GTPBP6: variants seen among roughly 807,000 people sequenced by gnomAD.
GTPBP6 encodes the protein putative GTP-binding protein 6.
Under a neutral mutation model 28.9 loss-of-function variants are expected in GTPBP6, and 33 were observed. The observed-to-expected ratio is 1.14, with a 90% CI of 0.87 to 1.53. GTPBP6 has a LOEUF of 1.53. GTPBP6 is among the 40% of genes most tolerant of loss of function. The pLI is 0.00. For missense variants in GTPBP6, 507 were observed against 408.3 expected, an observed-to-expected ratio of 1.24 and a Z score of -2.08; for synonymous variants, 231 against 192.7, an observed-to-expected ratio of 1.20 and a Z score of -1.65.
At chrX:312,725 AC>A in intron 6 of GTPBP6, 40 bp downstream of exon 6, 1 of 1,358,324 alleles carries the variant, frequency 7.4e-7, no homozygotes, top group Non-Finnish European at 9.8e-7. Flanking sequence ...CACCGGTGAC[AC>A]GGAGACCGCG....
intron 2 of GTPBP6, among the ~76,000 whole-genome samples, 162 bp from the exon 3 acceptor site, chrX:315,461 AG>A (rs2070412332): frequency 6.6e-6 from 1 of 152,142 alleles, no homozygotes; most frequent in East Asian, 1.9e-4. Flanking sequence ...TCAGCGTGGG[AG>A]GGGGTGTGTC....
At chrX:311,501 A>G (rs2070297338) in exon 7 of GTPBP6, 8 of 1,612,170 alleles carry the variant, frequency 5.0e-6, no homozygotes, top group Non-Finnish European at 6.8e-6. Flanking sequence ...GATGGTGTCC[A>G]CGTACAGGAC....
exon 10 of GTPBP6, chrX:305,001 C>T (rs1164067076): frequency 1.9e-6 from 3 of 1,579,146 alleles, no homozygotes; most frequent in South Asian, 2.3e-5. Context: ...CCAAGCTGCC[C>T]CCAACACAGC....
At chrX:312,406 G>C (rs1434245471) in intron 6 of GTPBP6, 3 of 514,316 alleles carry the variant, frequency 5.8e-6, no homozygotes, top group Non-Finnish European at 1.1e-5. Flanking sequence ...GTGTAGACAG[G>C]GTGGTGGTAT....
intron 7 of GTPBP6, among the ~76,000 whole-genome samples, chrX:310,649 C>CGTGT (rs1441967275): frequency 6.7e-6 from 1 of 149,912 alleles, no homozygotes; most frequent in South Asian, 2.1e-4. Flanking sequence ...GAGAAGGCCA[C>CGTGT]AGACAGAGGC....
rs374182939 is a variant in GTPBP6 at position 310,892 on chromosome X, C to T, written c.1125+527G>A. ...GTGTTCATCGATCCTCAGGCATCAC[C>T]GTGCTGTGTCCGCCACTGCCCGCAC... On this transcript the variant is annotated intron_variant, in intron 7 of 9. Transcript: ENST00000326153. 1.4e-3 allele frequency among the ~76,000 whole-genome samples: 217 copies of T among 151,874 alleles called. 1 individual carries two copies. The highest frequency in any genetic ancestry group is 4.9e-3 in the African/African-American group (205 of 41,442).
chrX:315,183 C>T (rs1375420242), intron 3 of GTPBP6, 46 bp downstream of exon 3: 11 of 398,308 alleles, frequency 2.8e-5, no homozygotes, highest in East Asian at 3.6e-5. Flanking sequence ...CCTCCTTCAT[C>T]GCGTGGAGTG....
At chrX:307,314 G>C (rs371070908) in intron 9 of GTPBP6, 46 bp downstream of exon 9, 5 of 1,586,580 alleles carry the variant, frequency 3.2e-6, no homozygotes, top group Non-Finnish European at 4.3e-6. Flanking sequence ...GCCAGAGACA[G>C]GCATCCAAAG....
chrX:309,253 C>T lies in GTPBP6; in HGVS notation c.1126-1373G>A, dbSNP rs1211269053. Among the ~76,000 whole-genome samples the T allele has an allele frequency of 3.3e-5, 5 of 152,290 alleles. No individual in the cohort carries two copies. In the East Asian group the frequency reaches 7.7e-4, roughly 24 times the overall value. On this transcript the variant is annotated intron_variant, in intron 7 of 9. Transcript: ENST00000326153. Reference sequence around the variant, plus strand: ...GCTCTTCATGCACTTGGAAAGTCTACGGTACGGATGGAGTGTGCAGCTCAC... The same window carrying T: ...GCTCTTCATGCACTTGGAAAGTCTATGGTACGGATGGAGTGTGCAGCTCAC...
At position 311,672 on chromosome X, in the gene GTPBP6, C is replaced by G. The variant is rs775981280; in HGVS notation, c.917-45G>C. ...AGGGCGCTGCAGAGATCCCTGCGTC[C>G]CAACTCCTAGCGCCGCAGCCAGGCC... On this transcript the variant is annotated intron_variant, in intron 6 of 9. Coordinates refer to ENST00000326153, the Ensembl canonical transcript of GTPBP6. The G allele has an allele frequency of 2.0e-5, 30 of 1,475,842 alleles. No individual in the cohort carries two copies. The South Asian group carries it at 2.0e-4, about 10-fold the overall frequency. 91.4% of individuals were successfully genotyped at this position (1,475,842 alleles called of 1,614,324 possible). A position where few individuals can be genotyped will look rare whatever the true frequency, so the allele number is the denominator to read the frequency against.
At chrX:306,217 CA>C (rs1315799916) in intron 9 of GTPBP6, among the ~76,000 whole-genome samples, 2 of 150,480 alleles carry the variant, frequency 1.3e-5, no homozygotes, top group African/African-American at 5.0e-5. Context: ...TTTTGACTGT[CA>C]AGCGCAGATT....
chrX:316,277 A>AGC (rs1343164269), intron 2 of GTPBP6, among the ~76,000 whole-genome samples: 1 of 19,142 alleles, frequency 5.2e-5, no homozygotes, highest in Non-Finnish European at 1.5e-4. Context: ...ACACACACAC[A>AGC]GTAAATACAT....
exon 5 of GTPBP6, chrX:314,207 T>G: frequency 1.2e-6 from 2 of 1,613,474 alleles, no homozygotes; most frequent in African/African-American, 1.3e-5. Flanking sequence ...ACGTCCCTTT[T>G]CAAGTTCGAC....
intron 2 of GTPBP6, among the ~76,000 whole-genome samples, chrX:316,458 C>T (rs1403403498): frequency 3.9e-5 from 6 of 152,138 alleles, no homozygotes; most frequent in Non-Finnish European, 7.3e-5. Flanking sequence ...AGCCGACCCC[C>T]ACCTGGGCAA....
Position 311,945 on chromosome X carries a change from G to C in GTPBP6, c.917-318C>G, listed in dbSNP as rs1270531457. On this transcript the variant is annotated intron_variant, in intron 6 of 9. Coordinates refer to ENST00000326153, the Ensembl canonical transcript of GTPBP6. ...TGGCAATGGCGTAGATGGTGGGATG[G>C]TGTAGGTGGGGTGGTGGTGCTGGTG... 1.4e-5 allele frequency: 8 copies of C among 575,372 alleles called. No individual in the cohort carries two copies. In the South Asian group the frequency reaches 1.5e-4, roughly 11 times the overall value. The allele number at this position is 575,372 out of a possible 1,614,324, so 35.6% of individuals were successfully genotyped here.
At chrX:304,950 G>A (rs372885847) in exon 10 of GTPBP6, 17 of 1,482,792 alleles carry the variant, frequency 1.1e-5, no homozygotes, top group Admixed American at 7.1e-5. Context: ...GGAGCGAGAC[G>A]GGTGCAGAAC....
chrX:311,551 G>T (rs779339405), exon 7 of GTPBP6: 1 of 1,612,170 alleles, frequency 6.2e-7, no homozygotes, highest in Non-Finnish European at 8.5e-7. Flanking sequence ...GGGCCGTGAC[G>T]TCCAGCGTGG....
chrX:310,630 G>A (rs1201562860), intron 7 of GTPBP6, among the ~76,000 whole-genome samples: 1 of 150,146 alleles, frequency 6.7e-6, no homozygotes, highest in African/African-American at 2.5e-5. Context: ...AGGAGACACA[G>A]ACACAGAGGA....
intron 2 of GTPBP6, among the ~76,000 whole-genome samples, 184 bp from the exon 3 acceptor site, chrX:315,483 T>A (rs2070412933): frequency 6.7e-6 from 1 of 149,062 alleles, no homozygotes; most frequent in Non-Finnish European, 1.5e-5. Flanking sequence ...TCTAGGAGTG[T>A]GTGTCTCAAA....
Sources: allele counts gnomAD v4.1 joint callset (sites outside exome capture counted in the v4.1 genomes callset), GRCh38; gene constraint gnomAD v4.1.1; transcripts MANE v1.5; gene names NCBI Gene and HGNC (gene_info 2026-07-23, HGNC 2026-07-21).